Variants in CADM2 observed in about 807,000 individuals in gnomAD.
CADM2 encodes cell adhesion molecule 2.
Under a neutral mutation model 49.8 loss-of-function variants are expected in CADM2, and 12 were observed. That is an observed-to-expected ratio of 0.24 (90% CI 0.15 to 0.39). The LOEUF (loss-of-function observed/expected upper bound fraction) is 0.39, where lower values mean the gene tolerates loss of function less well. Ranked by LOEUF, CADM2 falls within the 10% of genes least tolerant of loss-of-function variation. The probability of loss-of-function intolerance (pLI) is 1.00; values close to 1 mark genes in which losing one functional copy is unlikely to be tolerated. For missense variants in CADM2, 378 were observed against 492.3 expected, an observed-to-expected ratio of 0.77 and a Z score of 2.20; for synonymous variants, 214 against 175.4, an observed-to-expected ratio of 1.22 and a Z score of -1.74.
chr3:85,590,778 G>A (rs1576881812), intron 1 of CADM2, among the ~76,000 whole-genome samples: 2 of 151,732 alleles, frequency 1.3e-5, no homozygotes, highest in East Asian at 3.9e-4. Context: ...AATACCTAGA[G>A]GAAAGCTAAA....
At chr3:85,998,178 T>C (rs1237384431) in intron 8 of CADM2, among the ~76,000 whole-genome samples, 3 of 152,160 alleles carry the variant, frequency 2.0e-5, no homozygotes, top group Non-Finnish European at 2.9e-5. Context: ...TAGAGAATCA[T>C]AGATACATAG....
intron 1 of CADM2, among the ~76,000 whole-genome samples, chr3:85,432,787 T>C (rs2036741443): frequency 6.6e-6 from 1 of 152,162 alleles, no homozygotes; most frequent in South Asian, 2.1e-4. Flanking sequence ...TCCATTCTCA[T>C]AGGCAGTTGA....
chr3:85,939,261 A>G (rs1169042505), intron 7 of CADM2, among the ~76,000 whole-genome samples: 1 of 152,030 alleles, frequency 6.6e-6, no homozygotes, highest in Non-Finnish European at 1.5e-5. Flanking sequence ...ACTTGACACT[A>G]CTATAGAAGC....
In CADM2 at chr3:84,959,302, C is replaced by T. The variant is rs902439365; in HGVS notation, c.-306C>T. On this transcript the variant is annotated 5_prime_UTR_variant, in exon 1 of 10. Coordinates refer to ENST00000383699, the MANE Select transcript of CADM2 (RefSeq NM_001167675.2). ...CAGCCCCGGCGGGCTCTGGGACTTG[C>T]TGTGCGCGCCGAGAGGAAGGCAAGC... 2.0e-6 allele frequency: 1 copy of T among 509,120 alleles called. No individual in the cohort carries two copies. The highest frequency in any genetic ancestry group is 3.5e-6 in the Non-Finnish European group (1 of 283,092). The allele number at this position is 509,120 out of a possible 1,614,324, so 31.5% of individuals were successfully genotyped here.
At chr3:85,606,011 G>A (rs1169761155) in intron 1 of CADM2, among the ~76,000 whole-genome samples, 1 of 152,060 alleles carries the variant, frequency 6.6e-6, no homozygotes, top group African/African-American at 2.4e-5. Context: ...TTCAAGCAGA[G>A]TCCTCATAGG....
intron 1 of CADM2, among the ~76,000 whole-genome samples, chr3:85,140,495 G>T (rs574247349): frequency 6.6e-6 from 1 of 152,264 alleles, no homozygotes; most frequent in South Asian, 2.1e-4. Context: ...TTAAAACACA[G>T]CTAGATTCTC....
At chr3:85,468,373 T>G (rs574563164) in intron 1 of CADM2, among the ~76,000 whole-genome samples, 28 of 152,056 alleles carry the variant, frequency 1.8e-4, no homozygotes, top group Non-Finnish European at 4.0e-4. Flanking sequence ...GAGTGTGCCC[T>G]GTGGTGGGAT....
intron 3 of CADM2, among the ~76,000 whole-genome samples, chr3:85,837,740 G>T (rs1044347109): frequency 5.9e-5 from 9 of 151,730 alleles, no homozygotes; most frequent in African/African-American, 1.4e-4. Flanking sequence ...TATTCTGCAG[G>T]TATATTAATT....
At chr3:85,850,329 TTTTTTTTTTTTTTG>T in intron 3 of CADM2, among the ~76,000 whole-genome samples, 1 of 138,118 alleles carries the variant, frequency 7.2e-6, no homozygotes, top group African/African-American at 2.7e-5. Flanking sequence ...TTTTTTTTTT[TTTTTTTTTTTTTTG>T]AGACAGAGTC....
At chr3:85,295,632 C>T (rs1040015557) in intron 1 of CADM2, among the ~76,000 whole-genome samples, 1 of 152,052 alleles carries the variant, frequency 6.6e-6, no homozygotes, top group African/African-American at 2.4e-5. Flanking sequence ...GAGTTCATGT[C>T]CTTTGTAGGG....
At chr3:85,604,532 T>A (rs1210716212) in intron 1 of CADM2, among the ~76,000 whole-genome samples, 1 of 151,964 alleles carries the variant, frequency 6.6e-6, no homozygotes, top group Non-Finnish European at 1.5e-5. Context: ...AAATGTTGAA[T>A]CTTACAATTG....
At chr3:86,042,632 C>T (rs1324215301) in intron 8 of CADM2, among the ~76,000 whole-genome samples, 5 of 152,070 alleles carry the variant, frequency 3.3e-5, no homozygotes, top group Non-Finnish European at 7.4e-5. Flanking sequence ...GGATTCACAG[C>T]TGAATTCTAC....
At chr3:85,144,620 A>AAAAAAAAGAAAGAAAGAAAG (rs373935603) in intron 1 of CADM2, among the ~76,000 whole-genome samples, 1 of 136,366 alleles carries the variant, frequency 7.3e-6, no homozygotes, top group African/African-American at 2.9e-5. Context: ...TCAAAAAAAA[A>AAAAAAAAGAAAGAAAGAAAG]AAAGAAAGAA....
chr3:84,976,191 G>T (rs1305985455), intron 1 of CADM2, among the ~76,000 whole-genome samples: 3 of 151,694 alleles, frequency 2.0e-5, no homozygotes, highest in Admixed American at 6.6e-5. Flanking sequence ...ACCAGATAAA[G>T]AAATTATGAA....
chr3:85,352,955 T>G (rs2031494554), intron 1 of CADM2, among the ~76,000 whole-genome samples: 1 of 152,094 alleles, frequency 6.6e-6, no homozygotes, highest in Non-Finnish European at 1.5e-5. Context: ...TAGTGAGTCC[T>G]TAAGTAGAAG....
intron 1 of CADM2, among the ~76,000 whole-genome samples, chr3:85,091,356 T>C (rs2037590488): frequency 6.6e-6 from 1 of 152,202 alleles, no homozygotes; most frequent in African/African-American, 2.4e-5. Context: ...AACATAGCTG[T>C]AGTTTGGATT....
chr3:85,219,954 C>T (rs1168981016), intron 1 of CADM2, among the ~76,000 whole-genome samples: 1 of 152,004 alleles, frequency 6.6e-6, no homozygotes, highest in Non-Finnish European at 1.5e-5. Flanking sequence ...AGTAAGTATG[C>T]ATATGAAATC....
At chr3:85,794,539 T>C (rs982668850) in intron 2 of CADM2, among the ~76,000 whole-genome samples, 7 of 152,170 alleles carry the variant, frequency 4.6e-5, no homozygotes, top group Non-Finnish European at 1.0e-4. Context: ...ATAATAAATG[T>C]AACTTGCTTG....
Position 84,959,221 on chromosome 3 carries a change from C to T in CADM2, c.-387C>T, listed in dbSNP as rs2030198962. ...CCCTCCGTGACCTACCCACTCCTTG[C>T]AGCCCTCGCCCGCACCTTCTCCAAC... On this transcript the variant is annotated 5_prime_UTR_variant, in exon 1 of 10. Coordinates refer to ENST00000383699, the MANE Select transcript of CADM2 (RefSeq NM_001167675.2). 6.1e-6 allele frequency: 2 copies of T among 327,888 alleles called. No individual in the cohort carries two copies. The highest frequency in any genetic ancestry group is 1.1e-5 in the Non-Finnish European group (2 of 175,618). The allele number at this position is 327,888 out of a possible 1,614,324, so 20.3% of individuals were successfully genotyped here.
Sources: gnomAD v4.1 joint callset for allele counts (sites outside exome capture counted in the v4.1 genomes callset) on GRCh38, gnomAD v4.1.1 for gene constraint, MANE v1.5 for transcripts, NCBI Gene and HGNC (gene_info 2026-07-23, HGNC 2026-07-21) for gene names.